Variants in AGPS observed in about 807,000 individuals in gnomAD.
AGPS encodes alkyldihydroxyacetonephosphate synthase, peroxisomal.
AGPS carries 26 observed loss-of-function variants against 90.7 expected under a neutral mutation model. The observed-to-expected ratio is 0.29, with a 90% CI of 0.21 to 0.40. The LOEUF (loss-of-function observed/expected upper bound fraction) is 0.40, where lower values mean the gene tolerates loss of function less well. AGPS is among the 10% of genes least tolerant of loss of function. The pLI is 1.00. For synonymous variants in AGPS, 294 were observed against 285.3 expected, an observed-to-expected ratio of 1.03 and a Z score of -0.31; for missense variants, 540 against 816.1, an observed-to-expected ratio of 0.66 and a Z score of 4.12.
intron 8 of AGPS, among the ~76,000 whole-genome samples, chr2:177,457,296 A>G (rs116039674): frequency 0.023 from 3,482 of 152,318 alleles, 62 homozygotes; most frequent in Middle Eastern, 0.051. Flanking sequence ...GAGAAGCAAC[A>G]GCAAATTCAA....
intron 1 of AGPS, among the ~76,000 whole-genome samples, chr2:177,417,209 A>G (rs1158756457): frequency 6.6e-6 from 1 of 152,206 alleles, no homozygotes; most frequent in East Asian, 1.9e-4. Context: ...GAACACTGTC[A>G]TGAGATAGTG....
chr2:177,496,926 A>C (rs1278331582), intron 12 of AGPS, among the ~76,000 whole-genome samples: 1 of 152,058 alleles, frequency 6.6e-6, no homozygotes, highest in African/African-American at 2.4e-5. Flanking sequence ...TTAAGACTGA[A>C]ATTCTTTATA....
At chr2:177,442,308 G>A in intron 6 of AGPS, 99 bp from the exon 7 acceptor site, 1 of 913,380 alleles carries the variant, frequency 1.1e-6, no homozygotes. Flanking sequence ...CACTTTTCTA[G>A]TGGCCCTATC....
At chr2:177,439,253 C>T (rs10184488) in intron 5 of AGPS, among the ~76,000 whole-genome samples, 131,354 of 152,180 alleles carry the variant, frequency 0.86, 56,897 homozygotes, top group East Asian at 0.95. Flanking sequence ...TACAATTTAC[C>T]GAGGGGAAAC....
chr2:177,509,546 G>C, intron 16 of AGPS, among the ~76,000 whole-genome samples: 1 of 151,724 alleles, frequency 6.6e-6, no homozygotes, highest in East Asian at 1.9e-4. Context: ...GGCGTCTGTA[G>C]TCCCAGCTAC....
At chr2:177,506,088 T>TTATC (rs1303707789) in intron 15 of AGPS, among the ~76,000 whole-genome samples, 1 of 151,938 alleles carries the variant, frequency 6.6e-6, no homozygotes, top group East Asian at 1.9e-4. Context: ...AATAGTCTTA[T>TTATC]TATCTCAAGT....
At chr2:177,532,927 G>A (rs2079151073) in intron 19 of AGPS, among the ~76,000 whole-genome samples, 1 of 152,154 alleles carries the variant, frequency 6.6e-6, no homozygotes, top group Non-Finnish European at 1.5e-5. Flanking sequence ...TTTTTGAAAT[G>A]ACAAAATCTT....
In AGPS at chr2:177,470,727, A is replaced by AG. The variant is rs1387421549; in HGVS notation, c.1105+2203_1105+2204insG. ...CTTTGTCTCAAAAAAAAAAAAAAAG[A>AG]AAAAAAAAAGAAATATTTAAAATTT... On this transcript the variant is annotated intron_variant, in intron 10 of 19. Transcript: ENST00000264167. Among the ~76,000 whole-genome samples the AG allele has an allele frequency of 2.0e-3, 286 of 140,652 alleles. 1 individual carries two copies. Among genetic ancestry groups the AG allele is most frequent in the African/African-American group, 6.9e-3 (258 of 37,344 alleles). 92.3% of individuals were successfully genotyped at this position (140,652 alleles called of 152,430 possible). A position where few individuals can be genotyped will look rare whatever the true frequency, so the allele number is the denominator to read the frequency against.
rs539573652 is a variant in AGPS, at chr2:177,392,809, C to T, written c.20C>T (p.Ala7Val). 9.2e-5 allele frequency: 139 copies of T among 1,515,806 alleles called. 1 individual carries two copies. In the African/African-American group the frequency reaches 1.6e-3, roughly 17 times the overall value. The allele number at this position is 1,515,806 out of a possible 1,614,324, so 93.9% of individuals were successfully genotyped here. MAEAAA[A>V]AGGTGLGAGA... ...GTAGCCATGGCGGAGGCGGCGGCTG[C>T]AGCGGGTGGGACTGGCTTGGGCGCG... is the stretch of plus-strand genomic sequence containing the variant. The change falls in exon 1 of 20, where the codon GCA becomes GTA. Residue 7 changes from alanine to valine, a missense_variant. Physicochemically the swap from Ala to Val is moderately conservative, Grantham distance 64. This residue lies in a region of AGPS where 135 missense variants were observed against 124.0 expected (regional missense o/e 1.09). Transcript: ENST00000264167.
chr2:177,448,971 T>G (rs1036189533), intron 8 of AGPS, among the ~76,000 whole-genome samples: 8 of 152,222 alleles, frequency 5.3e-5, no homozygotes, highest in Non-Finnish European at 1.2e-4. Context: ...CTTCTTTCAC[T>G]AGGCATAATT....
chr2:177,436,257 T>C (rs1351050032), intron 3 of AGPS, among the ~76,000 whole-genome samples: 1 of 149,096 alleles, frequency 6.7e-6, no homozygotes, highest in African/African-American at 2.5e-5. Context: ...GTTCATGCCA[T>C]TCTCCTGCCT....
At chr2:177,472,783 A>C (rs547517066) in intron 10 of AGPS, among the ~76,000 whole-genome samples, 1 of 151,914 alleles carries the variant, frequency 6.6e-6, no homozygotes, top group Non-Finnish European at 1.5e-5. Flanking sequence ...TAGGGTCTTT[A>C]ATTTCTCTTT....
intron 1 of AGPS, among the ~76,000 whole-genome samples, chr2:177,408,509 T>G (rs572403856): frequency 6.6e-6 from 1 of 152,312 alleles, no homozygotes; most frequent in Non-Finnish European, 1.5e-5. Flanking sequence ...TCCTTCCAGA[T>G]AGTCCTTTGT....
chr2:177,448,666 A>G (rs1686847546), intron 8 of AGPS, among the ~76,000 whole-genome samples: 1 of 152,170 alleles, frequency 6.6e-6, no homozygotes, highest in South Asian at 2.1e-4. Flanking sequence ...ATATTGCTTT[A>G]TAATAGCTTG....
intron 1 of AGPS, among the ~76,000 whole-genome samples, chr2:177,410,622 T>G (rs1685592652): frequency 6.6e-6 from 1 of 152,144 alleles, no homozygotes; most frequent in South Asian, 2.1e-4. Flanking sequence ...GGAGAAGTAT[T>G]TAGTGACTGC....
intron 2 of AGPS, among the ~76,000 whole-genome samples, chr2:177,427,252 CTTT>C (rs1686112004): frequency 6.6e-6 from 1 of 152,044 alleles, no homozygotes; most frequent in African/African-American, 2.4e-5. Context: ...CTCTTTTCTT[CTTT>C]ATTAGTCTAG....
intron 11 of AGPS, among the ~76,000 whole-genome samples, chr2:177,490,648 A>C (rs1014811744): frequency 1.3e-5 from 2 of 152,084 alleles, no homozygotes; most frequent in African/African-American, 4.8e-5. Flanking sequence ...TTGCTATATG[A>C]TACAGCAGTT....
At chr2:177,526,267 T>C (rs1170222151) in intron 19 of AGPS, among the ~76,000 whole-genome samples, 1 of 149,072 alleles carries the variant, frequency 6.7e-6, no homozygotes, top group Non-Finnish European at 1.5e-5. Context: ...TCTCACTTTA[T>C]CACCCAGGCT....
intron 7 of AGPS, among the ~76,000 whole-genome samples, chr2:177,444,814 A>T (rs576458815): frequency 6.6e-6 from 1 of 152,240 alleles, no homozygotes; most frequent in African/African-American, 2.4e-5. Context: ...TCTTAATAGT[A>T]GAAAGTAATT....
Sources: allele counts gnomAD v4.1 joint callset (sites outside exome capture counted in the v4.1 genomes callset), GRCh38; gene constraint gnomAD v4.1.1; regional missense constraint gnomAD v4.1.1; transcripts MANE v1.5; gene names NCBI Gene and HGNC (gene_info 2026-07-23, HGNC 2026-07-21).